Variants in PRIMPOL observed in about 807,000 individuals in gnomAD.
PRIMPOL encodes the protein DNA-directed primase/polymerase protein.
PRIMPOL carries 54 observed loss-of-function variants against 63.6 expected under a neutral mutation model. The ratio of observed to expected loss-of-function variants is 0.85; its 90% CI spans 0.68 to 1.07. PRIMPOL has a LOEUF of 1.07. Ranked by LOEUF, PRIMPOL falls within the 50% of genes least tolerant of loss-of-function variation. The pLI, the probability that PRIMPOL is intolerant of heterozygous loss-of-function variation, is 0.00. For missense variants in PRIMPOL, 610 were observed against 648.3 expected (o/e 0.94, Z 0.64); for synonymous variants, 197 against 220.2 (o/e 0.89, Z 0.93).
intron 6 of PRIMPOL, among the ~76,000 whole-genome samples, chr4:184,666,352 A>G (rs1345444375): frequency 1.3e-5 from 2 of 152,084 alleles, no homozygotes; most frequent in East Asian, 1.9e-4. Context: ...AGTCCCAGCT[A>G]CTCGGGATGC....
intron 6 of PRIMPOL, among the ~76,000 whole-genome samples, chr4:184,670,540 AAG>A (rs1438127335): frequency 1.7e-3 from 257 of 150,660 alleles, no homozygotes; most frequent in Admixed American, 2.8e-3. Context: ...TTGAGTAGGA[AAG>A]TAATTTTTTT....
At chr4:184,687,637 A>G (rs776796816) in intron 11 of PRIMPOL, among the ~76,000 whole-genome samples, 13 of 152,190 alleles carry the variant, frequency 8.5e-5, no homozygotes. Flanking sequence ...TTTTTGAGAC[A>G]GAGTTTTGCT....
At chr4:184,680,484 G>A (rs373449434) in intron 8 of PRIMPOL, among the ~76,000 whole-genome samples, 40 of 152,154 alleles carry the variant, frequency 2.6e-4, no homozygotes, top group African/African-American at 8.7e-4. Flanking sequence ...CACCGTGCCC[G>A]GCCACTTAAA....
chr4:184,675,550 C>T (rs2150107734), intron 7 of PRIMPOL, among the ~76,000 whole-genome samples: 1 of 152,258 alleles, frequency 6.6e-6, no homozygotes, highest in Admixed American at 6.5e-5. Flanking sequence ...AAAAATTTGG[C>T]TCATGCCTGT....
chr4:184,671,285 G>T lies in PRIMPOL; in HGVS notation c.557-888G>T, dbSNP rs1200945845. Among the ~76,000 whole-genome samples the T allele has an allele frequency of 2.0e-5, 3 of 152,174 alleles. No homozygotes were observed. The East Asian group carries it at 5.8e-4, about 29-fold the overall frequency. On this transcript the variant is annotated intron_variant, in intron 6 of 13. Transcript: ENST00000314970. ...AGGAGCAGCAGCCTAGGGGCTGACG[G>T]CTGTGAGAGCCAGGGTTTGCAGGGC...
rs187149473 is a variant in PRIMPOL, at chr4:184,678,730, G to A, written c.1007+336G>A. Among the ~76,000 whole-genome samples the A allele has an allele frequency of 3.1e-3, 467 of 151,994 alleles. 3 individuals carry two copies. Among genetic ancestry groups the A allele is most frequent in the African/African-American group, 0.011 (447 of 41,438 alleles). On this transcript the variant is annotated intron_variant, in intron 8 of 13. Transcript: ENST00000314970. ...TTTAGTAGAGATGGGGTTTCACCAT[G>A]TTAGCCAGGCTTGTCTCGAACTCCT...
rs1760127275 is a variant in PRIMPOL, at chr4:184,694,698, T to C, written c.1602T>C (p.Ala534=). The change falls in exon 14 of 14, where the codon GCT becomes GCC. Residue 534 remains alanine, a synonymous_variant. Transcript: ENST00000314970. The part of the protein sequence containing the change: ...EATEDAELAE[A]AENSLLSYNS... Reference sequence around the variant, plus strand: ...CTGAAGATGCTGAATTAGCTGAAGCTGCAGAGAACAGTCTTCTCAGTTATA... The same window carrying C: ...CTGAAGATGCTGAATTAGCTGAAGCCGCAGAGAACAGTCTTCTCAGTTATA... 6.2e-7 allele frequency: 1 copy of C among 1,613,820 alleles called. No homozygotes were observed. The highest frequency in any genetic ancestry group is 8.5e-7 in the Non-Finnish European group (1 of 1,179,700).
chr4:184,665,788 A>G, intron 5 of PRIMPOL, 129 bp from the exon 6 acceptor site: 1 of 532,288 alleles, frequency 1.9e-6, no homozygotes, highest in Non-Finnish European at 3.1e-6. Context: ...TACAGGCATG[A>G]GCCACCACGC....
chr4:184,692,471 CAAAA>C (rs60321808), intron 13 of PRIMPOL, among the ~76,000 whole-genome samples: 3 of 73,834 alleles, frequency 4.1e-5, no homozygotes, highest in Non-Finnish European at 8.3e-5. Flanking sequence ...GACTCTGCCT[CAAAA>C]AAAAAAAAAA....
chr4:184,666,138 G>A (rs1039088309), intron 6 of PRIMPOL, 74 bp downstream of exon 6: 1 of 1,207,500 alleles, frequency 8.3e-7, no homozygotes, highest in Non-Finnish European at 1.1e-6. Flanking sequence ...TTAAAATTTT[G>A]TGTGTACTTA....
At chr4:184,691,445 T>G in intron 11 of PRIMPOL, 54 bp from the exon 12 acceptor site, 1 of 1,067,822 alleles carries the variant, frequency 9.4e-7, no homozygotes, top group South Asian at 1.4e-5. Context: ...AGCTGGATTT[T>G]GTTTTCTACC....
rs1320848538 is a variant in PRIMPOL at position 184,671,739 on chromosome 4, T to G, written c.557-434T>G. On this transcript the variant is annotated intron_variant, in intron 6 of 13. Coordinates refer to ENST00000314970, the MANE Select transcript of PRIMPOL (RefSeq NM_152683.4). ...CATATAACAATTTATAGCGACTCGGTTTTTTTTTTTTTTTTTTTGGTAAGA... is the reference window on the plus strand; with the variant it reads ...CATATAACAATTTATAGCGACTCGGGTTTTTTTTTTTTTTTTTTGGTAAGA... 0.013 allele frequency among the ~76,000 whole-genome samples: 55 copies of G among 4,392 alleles called. No homozygotes were observed. The East Asian group carries it at 0.5, about 40-fold the overall frequency. 2.9% of individuals were successfully genotyped at this position (4,392 alleles called of 152,430 possible).
chr4:184,665,563 G>A (rs1373967243), intron 5 of PRIMPOL, among the ~76,000 whole-genome samples: 1 of 150,352 alleles, frequency 6.7e-6, no homozygotes, highest in Non-Finnish European at 1.5e-5. Context: ...GAGTGCAGTG[G>A]CACCATCTTG....
At chr4:184,685,359 C>G (rs1409189787) in intron 9 of PRIMPOL, 50 bp from the exon 10 acceptor site, 1 of 1,339,988 alleles carries the variant, frequency 7.5e-7, no homozygotes, top group Admixed American at 1.7e-5. Context: ...CAAAATTTAA[C>G]TTCTCAACTT....
rs1754912708 is a variant in PRIMPOL, at chr4:184,679,083, T to G, written c.1007+689T>G. On this transcript the variant is annotated intron_variant, in intron 8 of 13. Transcript: ENST00000314970. ...TGCACATACATATAATTTGTATAGC[T>G]CCTTTAATCAAAAAATATTCTGAGA... Among the ~76,000 whole-genome samples the G allele has an allele frequency of 9.2e-5, 14 of 152,142 alleles. No individual in the cohort carries two copies. The South Asian group carries it at 2.9e-3, about 32-fold the overall frequency.
In PRIMPOL at chr4:184,659,526, G is replaced by T. The variant is rs537043734; in HGVS notation, c.278+89G>T. On this transcript the variant is annotated intron_variant, in intron 4 of 13. Transcript: ENST00000314970. Reference sequence around the variant, plus strand: ...TGGTGAAATTAGTTCAGGCTGAATTGGCTTCCACAGTTCGTGACCACACTA... The same window carrying T: ...TGGTGAAATTAGTTCAGGCTGAATTTGCTTCCACAGTTCGTGACCACACTA... 1,303 of 925,104 alleles carry T rather than the reference G, an allele frequency of 1.4e-3. 2 individuals carry two copies. The highest frequency in any genetic ancestry group is 2.0e-3 in the Non-Finnish European group (1,141 of 556,616). 57.3% of individuals were successfully genotyped at this position (925,104 alleles called of 1,614,324 possible).
intron 11 of PRIMPOL, among the ~76,000 whole-genome samples, chr4:184,690,616 C>A (rs1199417127): frequency 6.6e-6 from 1 of 152,122 alleles, no homozygotes; most frequent in African/African-American, 2.4e-5. Flanking sequence ...CCCCCCACCA[C>A]GCCCAGCTAA....
At chr4:184,677,975 T>C (rs1754562702) in intron 7 of PRIMPOL, among the ~76,000 whole-genome samples, 3 of 152,258 alleles carry the variant, frequency 2.0e-5, no homozygotes, top group South Asian at 4.1e-4. Context: ...TTCTAGTACC[T>C]GCATCCAGCT....
At chr4:184,659,309 T>C in intron 3 of PRIMPOL, 31 bp from the exon 4 acceptor site, 1 of 1,560,996 alleles carries the variant, frequency 6.4e-7, no homozygotes, top group Non-Finnish European at 8.8e-7. Flanking sequence ...ATTTTGTGAA[T>C]TTTTCTGAAT....
Sources: gnomAD v4.1 joint callset for allele counts (sites outside exome capture counted in the v4.1 genomes callset) on GRCh38, gnomAD v4.1.1 for gene constraint, MANE v1.5 for transcripts, NCBI Gene and HGNC (gene_info 2026-07-23, HGNC 2026-07-21) for gene names.